The following PKHD1 variants were observed in gnomAD, a reference collection of about 807,000 sequenced individuals.
PKHD1 encodes the protein PKHD1 ciliary IPT domain containing fibrocystin/polyductin.
A neutral mutation model predicts 412.0 loss-of-function variants in PKHD1; 291 were observed. That is an observed-to-expected ratio of 0.71 (90% CI 0.64 to 0.78). The LOEUF (loss-of-function observed/expected upper bound fraction) is 0.78, where lower values mean the gene tolerates loss of function less well. Ranked by LOEUF, PKHD1 falls within the 30% of genes least tolerant of loss-of-function variation. The pLI is 0.00. For missense variants in PKHD1, 4,825 were observed against 4,950.7 expected (o/e 0.97, Z 0.76); for synonymous variants, 1,777 against 1,821.5 (o/e 0.98, Z 0.62).
At chr6:51,689,915 T>G (rs1200729603) in intron 60 of PKHD1, among the ~76,000 whole-genome samples, 1 of 152,186 alleles carries the variant, frequency 6.6e-6, no homozygotes, top group Non-Finnish European at 1.5e-5. Context: ...ATGGCCATAC[T>G]GCCCAGAGCA....
At position 51,659,671 on chromosome 6, in the gene PKHD1, T is replaced by C. The variant is rs1412400979; in HGVS notation, c.10455A>G (p.Leu3485=). Residue 3485 remains leucine (L), a synonymous_variant, in exon 61 of 67, where the codon CTA becomes CTG. Coordinates refer to ENST00000371117, the MANE Select transcript of PKHD1 (RefSeq NM_138694.4). ...GCTTGGAGGTACTTTTGTTCCCCAA[T>C]AGAAAAAAGCGCAAAACTTGAGGAG... ...DQTPQVLRFF[L]LGNKSTSKLL... 1.2e-6 allele frequency: 2 copies of C among 1,613,702 alleles called. No homozygotes were observed. Among genetic ancestry groups the C allele is most frequent in the South Asian group, 1.1e-5 (1 of 91,082 alleles).
At chr6:51,912,047 T>A (rs754806307) in intron 38 of PKHD1, 91 bp from the exon 39 acceptor site, 176 of 1,015,048 alleles carry the variant, frequency 1.7e-4, no homozygotes, top group Non-Finnish European at 2.6e-4. Context: ...ATTCTTCCTT[T>A]GGGGATCTAT....
chr6:51,703,920 A>C (rs1015208048), intron 60 of PKHD1, among the ~76,000 whole-genome samples: 1 of 151,984 alleles, frequency 6.6e-6, no homozygotes, highest in Non-Finnish European at 1.5e-5. Context: ...ACTGTTTTGG[A>C]GGGAATGCAG....
intron 26 of PKHD1, 30 bp downstream of exon 26, chr6:52,043,595 C>T: frequency 6.8e-7 from 1 of 1,479,880 alleles, no homozygotes; most frequent in South Asian, 1.1e-5. Context: ...CCGGCTTAAG[C>T]CCATCTCAGA....
At chr6:51,804,428 G>A (rs1763430406) in intron 52 of PKHD1, among the ~76,000 whole-genome samples, 2 of 149,042 alleles carry the variant, frequency 1.3e-5, no homozygotes, top group African/African-American at 5.1e-5. Flanking sequence ...ACAGTGGCTG[G>A]CACATAAAAG....
intron 52 of PKHD1, among the ~76,000 whole-genome samples, chr6:51,829,274 A>G (rs1767844757): frequency 6.7e-6 from 1 of 148,610 alleles, no homozygotes; most frequent in African/African-American, 2.5e-5. Context: ...AGAATAGTGG[A>G]GAAAGCCAGG....
chr6:52,027,956 G>T (rs1802471050), intron 30 of PKHD1, 60 bp from the exon 31 acceptor site: 2 of 1,323,226 alleles, frequency 1.5e-6, no homozygotes, highest in Non-Finnish European at 2.2e-6. Flanking sequence ...GAAAGAGTAA[G>T]CCAGAAGAGC....
At chr6:51,926,754 A>G (rs1785696314) in intron 37 of PKHD1, among the ~76,000 whole-genome samples, 1 of 152,226 alleles carries the variant, frequency 6.6e-6, no homozygotes, top group Admixed American at 6.5e-5. Flanking sequence ...TAGCAGACAC[A>G]TATCTGCCAC....
At chr6:51,766,587 C>T (rs1789058879) in intron 55 of PKHD1, among the ~76,000 whole-genome samples, 1 of 139,508 alleles carries the variant, frequency 7.2e-6, no homozygotes, top group African/African-American at 2.5e-5. Flanking sequence ...TATTCAAACC[C>T]TTTCACAAAT....
At chr6:52,053,009 C>T (rs894110965) in intron 21 of PKHD1, 67 bp downstream of exon 21, 2 of 1,462,888 alleles carry the variant, frequency 1.4e-6, no homozygotes, top group African/African-American at 1.4e-5. Flanking sequence ...AAAACAGTAA[C>T]CCCTAGCAGG....
intron 36 of PKHD1, among the ~76,000 whole-genome samples, chr6:51,940,182 C>G (rs989274835): frequency 6.6e-6 from 1 of 151,682 alleles, no homozygotes. Context: ...TCTCAATATA[C>G]ATTTTATTAC....
chr6:51,910,498 C>G (rs896928418), intron 39 of PKHD1, among the ~76,000 whole-genome samples: 1 of 152,110 alleles, frequency 6.6e-6, no homozygotes, highest in African/African-American at 2.4e-5. Flanking sequence ...ATTCAGCTAC[C>G]TTGTTCCACA....
At chr6:51,751,066 A>G (rs1438645102) in intron 57 of PKHD1, among the ~76,000 whole-genome samples, 1 of 152,172 alleles carries the variant, frequency 6.6e-6, no homozygotes, top group Non-Finnish European at 1.5e-5. Context: ...CATGAGCCAC[A>G]GTGCCCAGCC....
chr6:52,056,452 A>G (rs1272544153), intron 18 of PKHD1, among the ~76,000 whole-genome samples: 1 of 152,008 alleles, frequency 6.6e-6, no homozygotes, highest in African/African-American at 2.4e-5. Context: ...GGAGTATAGG[A>G]GGGTGCTGCA....
intron 65 of PKHD1, among the ~76,000 whole-genome samples, chr6:51,627,347 C>T (rs949372947): frequency 6.6e-6 from 1 of 151,906 alleles, no homozygotes. Flanking sequence ...ACACATGTGG[C>T]TACTGATCAC....
intron 35 of PKHD1, among the ~76,000 whole-genome samples, chr6:52,008,300 G>T (rs1476123422): frequency 6.6e-6 from 1 of 152,182 alleles, no homozygotes; most frequent in Non-Finnish European, 1.5e-5. Context: ...TGGCCGGTCT[G>T]TATGGCATCC....
intron 60 of PKHD1, among the ~76,000 whole-genome samples, chr6:51,728,358 ACTT>A (rs1419424870): frequency 2.0e-5 from 3 of 152,048 alleles, no homozygotes; most frequent in Non-Finnish European, 2.9e-5. Flanking sequence ...CAGCCCCCAC[ACTT>A]CTTCTGCATT....
chr6:52,045,340 A>G (rs1045891868), intron 24 of PKHD1, among the ~76,000 whole-genome samples: 1 of 152,200 alleles, frequency 6.6e-6, no homozygotes, highest in African/African-American at 2.4e-5. Flanking sequence ...TCTTCTCTCT[A>G]AGTCTTGAGA....
At chr6:52,040,554 A>G (rs1804696955) in intron 27 of PKHD1, among the ~76,000 whole-genome samples, 3 of 152,090 alleles carry the variant, frequency 2.0e-5, no homozygotes, top group Admixed American at 2.0e-4. Flanking sequence ...CCCCAAGGCC[A>G]TATAACTTGC....
Sources: gnomAD v4.1 joint callset for allele counts (sites outside exome capture counted in the v4.1 genomes callset) on GRCh38, gnomAD v4.1.1 for gene constraint, MANE v1.5 for transcripts, NCBI Gene and HGNC (gene_info 2026-07-23, HGNC 2026-07-21) for gene names.